The following GABRG3 variants were observed in gnomAD, a reference collection of about 807,000 sequenced individuals.
GABRG3 encodes the protein gamma-aminobutyric acid type A receptor subunit gamma3, also known as gamma-aminobutyric acid receptor subunit gamma-3.
Under a neutral mutation model 48.8 loss-of-function variants are expected in GABRG3, and 25 were observed. The ratio of observed to expected loss-of-function variants is 0.51; its 90% confidence interval spans 0.37 to 0.72. The LOEUF is 0.72. Among genes scored for constraint, GABRG3 ranks in the 30% least tolerant of loss-of-function variants. The probability of loss-of-function intolerance (pLI) is 0.00; values close to 1 mark genes in which losing one functional copy is unlikely to be tolerated. For synonymous variants in GABRG3, 227 were observed against 217.6 expected (o/e 1.04, Z -0.38); for missense variants, 394 against 577.9 (o/e 0.68, Z 3.26).
At chr15:27,078,851 C>T (rs1047872433) in intron 3 of GABRG3, among the ~76,000 whole-genome samples, 2 of 152,130 alleles carry the variant, frequency 1.3e-5, no homozygotes, top group African/African-American at 2.4e-5. Flanking sequence ...CAGAATATGA[C>T]CTTATTTGGA....
chr15:26,973,047 C>G (rs957519519), intron 1 of GABRG3, among the ~76,000 whole-genome samples: 1 of 152,208 alleles, frequency 6.6e-6, no homozygotes, highest in Admixed American at 6.5e-5. Context: ...CAGCACCGGG[C>G]ATAACGCTGA....
At chr15:27,306,976 T>C (rs1595660257) in intron 3 of GABRG3, among the ~76,000 whole-genome samples, 1 of 67,580 alleles carries the variant, frequency 1.5e-5, no homozygotes, top group African/African-American at 5.4e-5. Flanking sequence ...TATAAACATA[T>C]ATAATATAAA....
At chr15:27,023,746 A>G (rs1405440125) in intron 2 of GABRG3, among the ~76,000 whole-genome samples, 1 of 152,238 alleles carries the variant, frequency 6.6e-6, no homozygotes, top group East Asian at 1.9e-4. Flanking sequence ...CCTTTTGGCT[A>G]CTGTGAATAA....
chr15:27,125,256 T>A (rs2140378946), intron 3 of GABRG3, among the ~76,000 whole-genome samples: 1 of 152,220 alleles, frequency 6.6e-6, no homozygotes, highest in Admixed American at 6.5e-5. Flanking sequence ...GAAAGATAAA[T>A]ATTGCATGGT....
chr15:27,010,689 C>T (rs927420262), intron 2 of GABRG3, among the ~76,000 whole-genome samples: 1 of 152,160 alleles, frequency 6.6e-6, no homozygotes, highest in Non-Finnish European at 1.5e-5. Flanking sequence ...TATTTAAAAA[C>T]ACACCCATAT....
chr15:27,182,691 CAA>C (rs923509954), intron 3 of GABRG3, among the ~76,000 whole-genome samples: 1 of 152,106 alleles, frequency 6.6e-6, no homozygotes, highest in African/African-American at 2.4e-5. Context: ...GGCCGCCAAG[CAA>C]AGAGATTTGT....
At chr15:27,366,796 G>T (rs915552777) in intron 5 of GABRG3, among the ~76,000 whole-genome samples, 2 of 152,142 alleles carry the variant, frequency 1.3e-5, no homozygotes, top group African/African-American at 4.8e-5. Flanking sequence ...TGCTATGGGT[G>T]ATAATAGAAC....
At chr15:27,018,890 T>A (rs1566910466) in intron 2 of GABRG3, among the ~76,000 whole-genome samples, 1 of 152,188 alleles carries the variant, frequency 6.6e-6, no homozygotes, top group East Asian at 1.9e-4. Context: ...AAAAAAAGCA[T>A]TTGAAAACAA....
chr15:27,043,043 T>G (rs1896304972), intron 3 of GABRG3, among the ~76,000 whole-genome samples: 1 of 152,226 alleles, frequency 6.6e-6, no homozygotes, highest in South Asian at 2.1e-4. Context: ...AATAACTGTC[T>G]TGTTCTATAT....
intron 3 of GABRG3, among the ~76,000 whole-genome samples, chr15:27,261,345 G>T (rs1890760160): frequency 6.6e-6 from 1 of 151,876 alleles, no homozygotes; most frequent in Non-Finnish European, 1.5e-5. Context: ...TTAATGAGAA[G>T]GTATTACCTA....
intron 2 of GABRG3, among the ~76,000 whole-genome samples, chr15:27,004,255 C>T (rs376642883): frequency 2.4e-3 from 368 of 151,702 alleles, no homozygotes; most frequent in East Asian, 0.016. Context: ...GGCAGAAGGT[C>T]TCCTCACTTC....
intron 6 of GABRG3, among the ~76,000 whole-genome samples, chr15:27,482,401 T>C (rs765237906): frequency 3.3e-5 from 5 of 152,200 alleles, no homozygotes; most frequent in African/African-American, 1.2e-4. Context: ...TTTCAGGCCA[T>C]ATCCAGCATC....
intron 5 of GABRG3, among the ~76,000 whole-genome samples, chr15:27,362,126 A>AAATT (rs1895043800): frequency 6.6e-6 from 1 of 152,210 alleles, no homozygotes; most frequent in African/African-American, 2.4e-5. Flanking sequence ...TTCTTGCTAG[A>AAATT]CTGGATGTTC....
chr15:27,411,780 C>T (rs1442337085), intron 5 of GABRG3, among the ~76,000 whole-genome samples: 2 of 152,238 alleles, frequency 1.3e-5, no homozygotes, highest in African/African-American at 4.8e-5. Context: ...ACATGTACTT[C>T]AGGTGCCTTT....
chr15:27,003,201 ATATTTATTTATTTATT>A (rs199745733), intron 2 of GABRG3, among the ~76,000 whole-genome samples: 134 of 139,204 alleles, frequency 9.6e-4, no homozygotes, highest in African/African-American at 3.4e-3. Flanking sequence ...TTTTTATTTT[ATATTTATTTATTTATT>A]TATTTATTTA....
intron 3 of GABRG3, among the ~76,000 whole-genome samples, chr15:27,196,452 C>A (rs1888499095): frequency 6.6e-6 from 1 of 152,262 alleles, no homozygotes; most frequent in African/African-American, 2.4e-5. Flanking sequence ...GCTTAAAATG[C>A]CGAAGTGTCT....
chr15:27,503,551 A>T (rs554967597), intron 6 of GABRG3, among the ~76,000 whole-genome samples: 135 of 151,714 alleles, frequency 8.9e-4, no homozygotes, highest in African/African-American at 3.2e-3. Flanking sequence ...TCTTCTGGAG[A>T]TTTGTCCAAG....
intron 2 of GABRG3, among the ~76,000 whole-genome samples, chr15:26,992,098 T>G (rs1895260776): frequency 6.6e-6 from 1 of 152,250 alleles, no homozygotes; most frequent in African/African-American, 2.4e-5. Flanking sequence ...TCCTGCAACT[T>G]AACTAAATTT....
intron 2 of GABRG3, among the ~76,000 whole-genome samples, chr15:26,994,540 T>A (rs1038012619): frequency 6.6e-6 from 1 of 152,048 alleles, no homozygotes; most frequent in Non-Finnish European, 1.5e-5. Flanking sequence ...TATCTTATTG[T>A]ACTGTCTATG....
Sources: allele counts gnomAD v4.1 joint callset (sites outside exome capture counted in the v4.1 genomes callset), GRCh38; gene constraint gnomAD v4.1.1; transcripts MANE v1.5; gene names NCBI Gene and HGNC (gene_info 2026-07-23, HGNC 2026-07-21).